Variants in NLGN1 observed in about 807,000 individuals in gnomAD.
NLGN1 encodes the protein neuroligin 1, also known as neuroligin-1.
A neutral mutation model predicts 65.5 loss-of-function variants in NLGN1; 12 were observed. That is an observed-to-expected ratio of 0.18 (90% CI 0.12 to 0.30). The LOEUF (loss-of-function observed/expected upper bound fraction) is 0.30. Among genes scored for constraint, NLGN1 ranks in the 10% least tolerant of loss-of-function variants. NLGN1 has a pLI of 1.00. For synonymous variants in NLGN1, 350 were observed against 359.5 expected (o/e 0.97, Z 0.30); for missense variants, 750 against 1,007.1 (o/e 0.74, Z 3.46).
At position 174,229,709 on chromosome 3, in the gene NLGN1, A is replaced by C. The variant is rs142371176; in HGVS notation, c.647-45606A>C. Among the ~76,000 whole-genome samples the C allele has an allele frequency of 2.0e-3, 304 of 152,344 alleles. 1 individual carries two copies. Among genetic ancestry groups the C allele is most frequent in the Non-Finnish European group, 3.6e-3 (248 of 68,030 alleles). ...TAGTGAATTAATTTAAGGAAGTTTT[A>C]ATTCGGAATAAAGCAAGAGGACATA... On this transcript the variant is annotated intron_variant, in intron 4 of 6. Transcript: ENST00000457714.
chr3:173,649,595 C>T (rs751299200), intron 3 of NLGN1, among the ~76,000 whole-genome samples: 1 of 152,072 alleles, frequency 6.6e-6, no homozygotes, highest in African/African-American at 2.4e-5. Flanking sequence ...CTAGTGTTCT[C>T]CTTTTCTCAC....
chr3:174,113,669 G>A (rs1024019485), intron 4 of NLGN1, among the ~76,000 whole-genome samples: 3 of 151,980 alleles, frequency 2.0e-5, no homozygotes, highest in African/African-American at 7.2e-5. Flanking sequence ...TTTAAAATGT[G>A]GGCATAAATA....
intron 4 of NLGN1, among the ~76,000 whole-genome samples, chr3:174,255,637 C>CTATTTATT (rs140772917): frequency 0.17 from 23,860 of 141,792 alleles, 2,080 homozygotes; most frequent in Non-Finnish European, 0.19. Context: ...TTCTTTTCTT[C>CTATTTATT]TATTTATTTA....
At chr3:173,756,753 T>G (rs1777188101) in intron 3 of NLGN1, among the ~76,000 whole-genome samples, 1 of 119,912 alleles carries the variant, frequency 8.3e-6, no homozygotes. Flanking sequence ...ATACAAAGAC[T>G]AATGGATAAA....
chr3:173,460,532 A>C (rs1723210287), intron 2 of NLGN1, among the ~76,000 whole-genome samples: 2 of 152,194 alleles, frequency 1.3e-5, no homozygotes, highest in South Asian at 4.1e-4. Context: ...CACAGAGCTC[A>C]AGAACTGAAG....
chr3:174,181,739 G>A (rs1201436144), intron 4 of NLGN1, among the ~76,000 whole-genome samples: 2 of 150,628 alleles, frequency 1.3e-5, no homozygotes, highest in Admixed American at 6.6e-5. Flanking sequence ...GACCAGCCTG[G>A]GCAACATGGT....
At chr3:174,198,304 A>T (rs1487737708) in intron 4 of NLGN1, among the ~76,000 whole-genome samples, 1 of 152,216 alleles carries the variant, frequency 6.6e-6, no homozygotes, top group South Asian at 2.1e-4. Context: ...AATTTCCCCA[A>T]GGTCAAAGAG....
chr3:173,566,929 C>A (rs1253174371), intron 2 of NLGN1, among the ~76,000 whole-genome samples: 2 of 152,082 alleles, frequency 1.3e-5, no homozygotes, highest in Non-Finnish European at 2.9e-5. Context: ...TATCCTCTAT[C>A]AGTTCAGTGT....
intron 4 of NLGN1, among the ~76,000 whole-genome samples, chr3:174,272,489 G>A (rs1749583321): frequency 6.6e-6 from 1 of 151,648 alleles, no homozygotes; most frequent in Admixed American, 6.6e-5. Context: ...TAATCAAAAA[G>A]TGTATGCAAG....
chr3:174,059,754 A>G (rs1020599311), intron 4 of NLGN1, among the ~76,000 whole-genome samples: 9 of 152,186 alleles, frequency 5.9e-5, no homozygotes, highest in Non-Finnish European at 1.2e-4. Context: ...TCCACAAGTT[A>G]AATGCTATTA....
At chr3:173,649,119 AAG>A (rs1758736558) in intron 3 of NLGN1, among the ~76,000 whole-genome samples, 1 of 152,198 alleles carries the variant, frequency 6.6e-6, no homozygotes, top group African/African-American at 2.4e-5. Context: ...TGCTGAATGA[AAG>A]AAGTCAGATT....
intron 4 of NLGN1, among the ~76,000 whole-genome samples, chr3:174,243,746 C>T (rs1200461992): frequency 6.6e-6 from 1 of 152,262 alleles, no homozygotes; most frequent in East Asian, 1.9e-4. Context: ...TTCTGACATT[C>T]TATTTGAATA....
Position 173,917,236 on chromosome 3 carries a change from T to A in NLGN1, c.646+109404T>A, listed in dbSNP as rs1298023952. ...CATGGATTTTATAATAAAGGAAGATTACAAAGAGACAATAATCTCTTGGAT... is the reference window on the plus strand; with the variant it reads ...CATGGATTTTATAATAAAGGAAGATAACAAAGAGACAATAATCTCTTGGAT... On this transcript the variant is annotated intron_variant, in intron 4 of 6. Transcript: ENST00000457714. Among the ~76,000 whole-genome samples, 5 of 152,316 alleles carry A rather than the reference T, an allele frequency of 3.3e-5. No individual in the cohort carries two copies. The South Asian group carries it at 1.0e-3, about 32-fold the overall frequency.
chr3:173,553,007 A>G (rs866212138), intron 2 of NLGN1, among the ~76,000 whole-genome samples: 1 of 152,196 alleles, frequency 6.6e-6, no homozygotes, highest in Non-Finnish European at 1.5e-5. Flanking sequence ...GCTCAGAACT[A>G]TTAAATCAAG....
chr3:174,104,118 T>C (rs2152586371), intron 4 of NLGN1, among the ~76,000 whole-genome samples: 1 of 152,222 alleles, frequency 6.6e-6, no homozygotes, highest in East Asian at 1.9e-4. Context: ...TTTTCTCCTT[T>C]CAGGTTTCAA....
intron 2 of NLGN1, among the ~76,000 whole-genome samples, chr3:173,557,790 A>G (rs1214791056): frequency 2.6e-5 from 4 of 152,038 alleles, no homozygotes; most frequent in Non-Finnish European, 1.5e-5. Context: ...TAAATATTCA[A>G]TTGTCTATTA....
At chr3:174,255,454 A>AAAAAAAAAAAAAAAAAAAAAC in intron 4 of NLGN1, among the ~76,000 whole-genome samples, 1 of 150,818 alleles carries the variant, frequency 6.6e-6, no homozygotes, top group African/African-American at 2.4e-5. Context: ...AAAAAAAAAA[A>AAAAAAAAAAAAAAAAAAAAAC]AAGCGCAAGT....
At chr3:174,238,188 C>CT (rs1176954200) in intron 4 of NLGN1, among the ~76,000 whole-genome samples, 1 of 152,078 alleles carries the variant, frequency 6.6e-6, no homozygotes. Flanking sequence ...CATGTACTTT[C>CT]TTTTTTTCCT....
At chr3:173,411,020 G>T (rs1008336611) in intron 1 of NLGN1, among the ~76,000 whole-genome samples, 4 of 152,186 alleles carry the variant, frequency 2.6e-5, no homozygotes, top group African/African-American at 7.2e-5. Context: ...TTACAGCTCC[G>T]CTGGCATAGG....
Sources: allele counts gnomAD v4.1 joint callset (sites outside exome capture counted in the v4.1 genomes callset), GRCh38; gene constraint gnomAD v4.1.1; transcripts MANE v1.5; gene names NCBI Gene and HGNC (gene_info 2026-07-23, HGNC 2026-07-21).